ERC2: variants seen among roughly 807,000 people sequenced by gnomAD.
ERC2 encodes ELKS/RAB6-interacting/CAST family member 2.
Under a neutral mutation model 114.8 loss-of-function variants are expected in ERC2, and 42 were observed. The ratio of observed to expected loss-of-function variants is 0.37; its 90% CI spans 0.29 to 0.47. The LOEUF (loss-of-function observed/expected upper bound fraction) is 0.47. ERC2 is among the 20% of genes least tolerant of loss of function. The pLI, the probability that ERC2 is intolerant of heterozygous loss-of-function variation, is 0.99. For synonymous variants in ERC2, 454 were observed against 425.5 expected (o/e 1.07, Z -0.82); for missense variants, 939 against 1,150.7 (o/e 0.82, Z 2.66).
chr3:56,115,144 A>G (rs557774018), intron 6 of ERC2, among the ~76,000 whole-genome samples: 5 of 152,296 alleles, frequency 3.3e-5, no homozygotes, highest in Non-Finnish European at 7.4e-5. Flanking sequence ...ATTGACTTCC[A>G]GTCTCCCCTT....
chr3:55,750,110 A>T (rs1263562503), intron 14 of ERC2, among the ~76,000 whole-genome samples: 2 of 152,204 alleles, frequency 1.3e-5, no homozygotes, highest in East Asian at 3.9e-4. Context: ...GCTACGTGTT[A>T]TGAAGGATCA....
At chr3:56,343,002 A>G (rs1025415298) in intron 2 of ERC2, among the ~76,000 whole-genome samples, 26 of 152,246 alleles carry the variant, frequency 1.7e-4, no homozygotes, top group African/African-American at 5.8e-4. Context: ...GCCAGGGCTA[A>G]TCACATCCCT....
intron 17 of ERC2, among the ~76,000 whole-genome samples, chr3:55,620,470 C>T (rs567001095): frequency 3.9e-4 from 60 of 152,302 alleles, no homozygotes; most frequent in Non-Finnish European, 7.1e-4. Flanking sequence ...TAAAGCAGCA[C>T]GGACTTGCTT....
intron 4 of ERC2, among the ~76,000 whole-genome samples, chr3:56,167,019 G>A (rs1042476243): frequency 1.3e-5 from 2 of 152,050 alleles, no homozygotes; most frequent in Non-Finnish European, 2.9e-5. Context: ...CTCTGCCAAA[G>A]ACACTCCTTA....
intron 4 of ERC2, among the ~76,000 whole-genome samples, chr3:56,152,962 G>A (rs1348033894): frequency 6.6e-6 from 1 of 152,122 alleles, no homozygotes; most frequent in East Asian, 1.9e-4. Flanking sequence ...CCGCACTAAT[G>A]TCTAAGCCAG....
Position 56,242,837 on chromosome 3 carries a change from C to T in ERC2, c.1074+53182G>A, listed in dbSNP as rs1268499697. ...GCTGGTCTTACTCTCCCAGCAGCACCTGGCACCAAGTAAAAAGCAGTTAAT... is the reference window on the plus strand; with the variant it reads ...GCTGGTCTTACTCTCCCAGCAGCACTTGGCACCAAGTAAAAAGCAGTTAAT... On this transcript the variant is annotated intron_variant, in intron 3 of 17. Transcript: ENST00000288221. Among the ~76,000 whole-genome samples the T allele has an allele frequency of 7.9e-5, 12 of 152,298 alleles. No individual in the cohort carries two copies. The East Asian group carries it at 1.5e-3, about 20-fold the overall frequency.
At chr3:56,113,808 T>C (rs2079088405) in intron 6 of ERC2, among the ~76,000 whole-genome samples, 1 of 152,192 alleles carries the variant, frequency 6.6e-6, no homozygotes, top group Non-Finnish European at 1.5e-5. Flanking sequence ...CTGACTTAAT[T>C]ATAAATCAGG....
At chr3:55,887,257 GA>G (rs1240201668) in intron 14 of ERC2, among the ~76,000 whole-genome samples, 2 of 152,004 alleles carry the variant, frequency 1.3e-5, no homozygotes, top group African/African-American at 2.4e-5. Context: ...GTTTATATGT[GA>G]AAAAAACCCT....
intron 2 of ERC2, among the ~76,000 whole-genome samples, chr3:56,419,646 C>T (rs907838241): frequency 6.6e-6 from 1 of 152,162 alleles, no homozygotes; most frequent in Non-Finnish European, 1.5e-5. Flanking sequence ...TTACCAAAAG[C>T]TCATTCATTT....
intron 15 of ERC2, among the ~76,000 whole-genome samples, chr3:55,700,502 C>T (rs531802702): frequency 6.6e-5 from 10 of 152,168 alleles, no homozygotes; most frequent in Admixed American, 1.3e-4. Context: ...CCGCTAGGAG[C>T]GAATGATACG....
At chr3:56,099,610 C>G (rs2078245013) in intron 6 of ERC2, among the ~76,000 whole-genome samples, 1 of 152,180 alleles carries the variant, frequency 6.6e-6, no homozygotes, top group Non-Finnish European at 1.5e-5. Context: ...TACACGGGAT[C>G]TCCACAGTGG....
intron 8 of ERC2, among the ~76,000 whole-genome samples, chr3:56,018,619 C>A (rs1027097716): frequency 6.6e-6 from 1 of 152,066 alleles, no homozygotes; most frequent in African/African-American, 2.4e-5. Context: ...TAGAGGATTT[C>A]AAATTATATC....
chr3:56,373,675 C>G (rs1056123302), intron 2 of ERC2, among the ~76,000 whole-genome samples: 7 of 152,218 alleles, frequency 4.6e-5, no homozygotes, highest in African/African-American at 1.7e-4. Context: ...AAGACCGTCT[C>G]TGTTGTAACT....
chr3:55,961,249 C>T (rs2068340065), intron 12 of ERC2, among the ~76,000 whole-genome samples: 1 of 152,284 alleles, frequency 6.6e-6, no homozygotes, highest in South Asian at 2.1e-4. Context: ...ACATGCCAAG[C>T]CCTATAGTCC....
At chr3:55,888,347 G>T in intron 14 of ERC2, 42 bp downstream of exon 14, 3 of 1,610,378 alleles carry the variant, frequency 1.9e-6, no homozygotes, top group Non-Finnish European at 2.5e-6. Context: ...TCTCAAGAGA[G>T]GCTAGAAGAG....
chr3:56,250,913 A>G (rs1243589224), intron 3 of ERC2, among the ~76,000 whole-genome samples: 1 of 152,216 alleles, frequency 6.6e-6, no homozygotes, highest in East Asian at 1.9e-4. Flanking sequence ...GAACCCGCAA[A>G]CCAGCAAAAT....
intron 13 of ERC2, among the ~76,000 whole-genome samples, chr3:55,900,961 T>C (rs1389893231): frequency 6.6e-6 from 1 of 152,214 alleles, no homozygotes; most frequent in Non-Finnish European, 1.5e-5. Context: ...GTTTACTTTT[T>C]ACCAGGATGT....
At chr3:56,042,875 T>C (rs2075270108) in intron 7 of ERC2, among the ~76,000 whole-genome samples, 1 of 152,070 alleles carries the variant, frequency 6.6e-6, no homozygotes, top group South Asian at 2.1e-4. Flanking sequence ...CCTTTAGACA[T>C]AAAATGAACA....
intron 17 of ERC2, among the ~76,000 whole-genome samples, chr3:55,527,833 G>A (rs2053427190): frequency 6.6e-6 from 1 of 152,176 alleles, no homozygotes; most frequent in South Asian, 2.1e-4. Context: ...TTTCATGCGT[G>A]GGTTTGGGCA....
Sources: allele counts gnomAD v4.1 joint callset (sites outside exome capture counted in the v4.1 genomes callset), GRCh38; gene constraint gnomAD v4.1.1; transcripts MANE v1.5; gene names NCBI Gene and HGNC (gene_info 2026-07-23, HGNC 2026-07-21).